Variants in TDRP observed in about 807,000 individuals in gnomAD.
TDRP encodes the protein testis development related protein.
In TDRP, 12 loss-of-function variants were observed where a neutral mutation model predicts 10.5. The observed-to-expected ratio is 1.15, with a 90% CI of 0.73 to 1.86. TDRP has a LOEUF of 1.86. Among genes scored for constraint, TDRP ranks in the 40% most tolerant of loss-of-function variants. The pLI is 0.00. For synonymous variants in TDRP, 139 were observed against 95.4 expected, an observed-to-expected ratio of 1.46 and a Z score of -2.67; for missense variants, 353 against 229.2, an observed-to-expected ratio of 1.54 and a Z score of -3.49.
intron 1 of TDRP, among the ~76,000 whole-genome samples, chr8:539,951 T>C (rs1802449552): frequency 1.3e-5 from 2 of 152,264 alleles, no homozygotes; most frequent in African/African-American, 4.8e-5. Flanking sequence ...AGAATATGTC[T>C]AAGCTTTTTA....
intron 1 of TDRP, among the ~76,000 whole-genome samples, chr8:523,781 G>C (rs890879700): frequency 6.6e-6 from 1 of 152,172 alleles, no homozygotes; most frequent in East Asian, 1.9e-4. Flanking sequence ...GGCTGCAGTA[G>C]AATAGAGCAC....
chr8:521,283 G>A (rs1023466394), intron 1 of TDRP, among the ~76,000 whole-genome samples: 28 of 151,340 alleles, frequency 1.9e-4, no homozygotes, highest in African/African-American at 6.3e-4. Context: ...CAGGCGTGGT[G>A]GTGGGCGCCT....
chr8:496,784 G>C (rs1801148695), intron 1 of TDRP, among the ~76,000 whole-genome samples: 1 of 152,198 alleles, frequency 6.6e-6, no homozygotes, highest in South Asian at 2.1e-4. Context: ...GAGGGACCTG[G>C]TGGGAGATGA....
chr8:532,562 A>AT (rs1320116877), intron 1 of TDRP, among the ~76,000 whole-genome samples: 1 of 152,216 alleles, frequency 6.6e-6, no homozygotes, highest in Non-Finnish European at 1.5e-5. Context: ...AAATAAGACC[A>AT]TTTATGCAAA....
chr8:494,672 A>C, intron 1 of TDRP, 75 bp from the exon 2 acceptor site: 1 of 1,311,992 alleles, frequency 7.6e-7, no homozygotes, highest in Non-Finnish European at 1.1e-6. Flanking sequence ...TCCAATAACC[A>C]TGGAGTTGAA....
At chr8:527,156 A>T (rs950767763) in intron 1 of TDRP, among the ~76,000 whole-genome samples, 1 of 152,174 alleles carries the variant, frequency 6.6e-6, no homozygotes, top group Non-Finnish European at 1.5e-5. Flanking sequence ...AATCTGAAAA[A>T]ATAAAATTAA....
chr8:500,901 A>G (rs1801273530), intron 1 of TDRP, among the ~76,000 whole-genome samples: 1 of 152,244 alleles, frequency 6.6e-6, no homozygotes, highest in South Asian at 2.1e-4. Context: ...GAATCCAGCA[A>G]GAGGGTTAAC....
intron 1 of TDRP, among the ~76,000 whole-genome samples, chr8:507,715 G>C (rs992894736): frequency 5.9e-5 from 9 of 152,062 alleles, no homozygotes; most frequent in Admixed American, 1.3e-4. Context: ...CAAATAAAGA[G>C]GCAAATAACA....
At chr8:493,539 T>C (rs959958806) in intron 2 of TDRP, among the ~76,000 whole-genome samples, 1 of 152,250 alleles carries the variant, frequency 6.6e-6, no homozygotes, top group Non-Finnish European at 1.5e-5. Context: ...TCTGTACTTG[T>C]AGACTCACCA....
At chr8:522,422 G>C (rs755732454) in intron 1 of TDRP, among the ~76,000 whole-genome samples, 17 of 152,178 alleles carry the variant, frequency 1.1e-4, no homozygotes, top group Non-Finnish European at 2.1e-4. Context: ...TGTGGCTAGT[G>C]AGACTCATCT....
At chr8:499,256 C>T (rs1282459312) in intron 1 of TDRP, among the ~76,000 whole-genome samples, 1 of 149,848 alleles carries the variant, frequency 6.7e-6, no homozygotes, top group Non-Finnish European at 1.5e-5. Context: ...TTTTTGGAGG[C>T]AGGGTCTCTC....
At chr8:536,828 A>C (rs2594355) in intron 1 of TDRP, among the ~76,000 whole-genome samples, 133,779 of 152,034 alleles carry the variant, frequency 0.88, 59,014 homozygotes, top group African/African-American at 0.94. Flanking sequence ...ATCCGGAGCG[A>C]ATAAGCAGCG....
At chr8:540,806 TAAA>T (rs60390652) in intron 1 of TDRP, among the ~76,000 whole-genome samples, 2,835 of 124,970 alleles carry the variant, frequency 0.023, 87 homozygotes, top group African/African-American at 0.066. Flanking sequence ...CTTTTTCACG[TAAA>T]AAAAAAAAAA....
In TDRP at chr8:501,244, T is replaced by C. The variant is rs572369125; in HGVS notation, c.109-6647A>G. Among the ~76,000 whole-genome samples the C allele has an allele frequency of 2.6e-5, 4 of 152,148 alleles. 1 individual carries two copies. The South Asian group carries it at 8.3e-4, about 32-fold the overall frequency. ...AACAAAAAAAACATGAGCGTAATGC[T>C]CGGGTCAGCTCACTGCATGCCACAT... On this transcript the variant is annotated intron_variant, in intron 1 of 2. Transcript: ENST00000324079.
chr8:501,861 C>CT (rs1228839992), intron 1 of TDRP, among the ~76,000 whole-genome samples: 1 of 152,182 alleles, frequency 6.6e-6, no homozygotes, highest in African/African-American at 2.4e-5. Flanking sequence ...AAATACAGCT[C>CT]TTTGTGAAGA....
intron 1 of TDRP, among the ~76,000 whole-genome samples, chr8:541,757 A>T (rs1025051032): frequency 2.0e-5 from 3 of 152,206 alleles, no homozygotes; most frequent in Non-Finnish European, 4.4e-5. Flanking sequence ...ACAGCACCAA[A>T]TGCTGGCAAG....
intron 1 of TDRP, among the ~76,000 whole-genome samples, chr8:543,790 T>C (rs1802561502): frequency 6.6e-6 from 1 of 152,142 alleles, no homozygotes; most frequent in Non-Finnish European, 1.5e-5. Context: ...CAAATCCTTA[T>C]ATTCCATTCG....
intron 1 of TDRP, among the ~76,000 whole-genome samples, chr8:506,512 A>C (rs1274027115): frequency 2.0e-5 from 3 of 152,208 alleles, no homozygotes; most frequent in African/African-American, 7.2e-5. Flanking sequence ...CCCTTGTTCC[A>C]GCCCCACTCC....
rs1337034453 is a variant in TDRP at position 544,684 on chromosome 8, G to A, written c.74C>T (p.Pro25Leu). Reference sequence around the variant, plus strand: ...GGCGGCGGCGGCGGCGGCCGGTGGCGGCCCCCCACGCAGGCCGTCCTCCTC... The same window carrying A: ...GGCGGCGGCGGCGGCGGCCGGTGGCAGCCCCCCACGCAGGCCGTCCTCCTC... ...PEEEDGLRGG[P>L]PPAAAAAAQA... Residue 25 changes from proline to leucine, a missense_variant, in exon 1 of 3, where the codon CCG becomes CTG. By Grantham distance (98) the Pro-to-Leu change is moderately conservative. Coordinates refer to ENST00000324079, the MANE Select transcript of TDRP (RefSeq NM_001384899.1). 3 of 1,244,646 alleles carry A rather than the reference G, an allele frequency of 2.4e-6. No individual in the cohort carries two copies. The highest frequency in any genetic ancestry group is 4.2e-5 in the Admixed American group (1 of 23,754). 77.1% of individuals were successfully genotyped at this position (1,244,646 alleles called of 1,614,324 possible).
Sources: gnomAD v4.1 joint callset for allele counts (sites outside exome capture counted in the v4.1 genomes callset) on GRCh38, gnomAD v4.1.1 for gene constraint, MANE v1.5 for transcripts, NCBI Gene and HGNC (gene_info 2026-07-23, HGNC 2026-07-21) for gene names.